Variants in TET3 observed in about 807,000 individuals in gnomAD.
TET3 encodes the protein tet methylcytosine dioxygenase 3, also known as methylcytosine dioxygenase TET3.
A neutral mutation model predicts 141.4 loss-of-function variants in TET3; 19 were observed. The ratio of observed to expected loss-of-function variants is 0.13; its 90% CI spans 0.09 to 0.20. The LOEUF (loss-of-function observed/expected upper bound fraction) is 0.20. Ranked by LOEUF, TET3 falls within the 10% of genes least tolerant of loss-of-function variation. TET3 has a pLI of 1.00. For synonymous variants in TET3, 1,043 were observed against 980.9 expected, an observed-to-expected ratio of 1.06 and a Z score of -1.18; for missense variants, 1,874 against 2,356.9, an observed-to-expected ratio of 0.80 and a Z score of 4.24.
At chr2:74,054,608 G>T (rs997254571) in intron 4 of TET3, among the ~76,000 whole-genome samples, 5 of 152,124 alleles carry the variant, frequency 3.3e-5, no homozygotes, top group East Asian at 1.9e-4. Flanking sequence ...TGACTGTGTA[G>T]ATCAAAAAGA....
Position 73,986,083 on chromosome 2 carries a change from C to A in TET3, c.-321C>A. 1 of 235,374 alleles carries A rather than the reference C, an allele frequency of 4.2e-6. No homozygotes were observed. Among genetic ancestry groups the A allele is most frequent in the Non-Finnish European group, 8.1e-6 (1 of 122,862 alleles). 14.6% of individuals were successfully genotyped at this position (235,374 alleles called of 1,614,324 possible). A position where few individuals can be genotyped will look rare whatever the true frequency, so the allele number is the denominator to read the frequency against. On this transcript the variant is annotated 5_prime_UTR_variant, in exon 2 of 12. It adds an upstream start codon to the 5' untranslated region. Transcript: ENST00000409262. ...ACACCCCTACCTGCTCAACTCATGC[C>A]TGGGTCCAGGGTGGGTGAGGGTGAA...
chr2:74,135,351 A>G, the TET3 span: 1 of 636,648 alleles, frequency 1.6e-6, no homozygotes, highest in Non-Finnish European at 2.7e-6. Flanking sequence ...AGAACTGTCT[A>G]AAGACAAGAC....
intron 3 of TET3, among the ~76,000 whole-genome samples, chr2:74,003,474 G>C (rs1450601146): frequency 1.8e-4 from 23 of 130,714 alleles, no homozygotes; most frequent in Non-Finnish European, 3.0e-4. Flanking sequence ...CCCCACCCCT[G>C]CCTCTGGAAA....
At position 74,057,558 on chromosome 2, in the gene TET3, A is replaced by G. The variant is rs1262860817; in HGVS notation, c.2494+9147A>G. On this transcript the variant is annotated intron_variant, in intron 4 of 11. Coordinates refer to ENST00000409262, the MANE Select transcript of TET3 (RefSeq NM_001287491.2). ...TTCTGCCCACTCTATTTTTGGGCAA[A>G]TAAGTATAGACCAGTGGCTTTCAAT... Among the ~76,000 whole-genome samples, 5 of 152,234 alleles carry G rather than the reference A, an allele frequency of 3.3e-5. No individual in the cohort carries two copies. In the East Asian group the frequency reaches 9.6e-4, roughly 29 times the overall value.
At chr2:74,116,303 TC>T in the TET3 span, among the ~76,000 whole-genome samples, 3 of 152,236 alleles carry the variant, frequency 2.0e-5, 1 homozygote, top group Middle Eastern at 0.01. Flanking sequence ...GTAAGGAGGT[TC>T]CTCAAAAAGT....
intron 5 of TET3, among the ~76,000 whole-genome samples, chr2:74,074,613 T>G (rs1346210942): frequency 1.3e-5 from 2 of 152,254 alleles, no homozygotes; most frequent in Non-Finnish European, 2.9e-5. Flanking sequence ...GTCCTGGCCC[T>G]GCCACTCACT....
At chr2:74,014,420 G>A (rs1291667320) in intron 3 of TET3, among the ~76,000 whole-genome samples, 1 of 152,104 alleles carries the variant, frequency 6.6e-6, no homozygotes, top group Non-Finnish European at 1.5e-5. Flanking sequence ...GGGCCCTGAG[G>A]AGAGTCCCTG....
intron 4 of TET3, among the ~76,000 whole-genome samples, chr2:74,065,616 G>GTCCA (rs1250453851): frequency 7.4e-5 from 10 of 135,792 alleles, no homozygotes; most frequent in African/African-American, 1.4e-4. Context: ...CCGTCCGTCC[G>GTCCA]TCCGTCCTTC....
At position 74,101,296 on chromosome 2, in the gene TET3, A is replaced by G; in HGVS notation, c.4508A>G (p.His1503Arg). The G allele has an allele frequency of 6.2e-7, 1 of 1,612,898 alleles. No individual in the cohort carries two copies. Among genetic ancestry groups the G allele is most frequent in the Non-Finnish European group, 8.5e-7 (1 of 1,179,560 alleles). Residue 1503 changes from histidine (H) to arginine (R), a missense_variant, in exon 12 of 12, where the codon CAC becomes CGC. By Grantham distance (29) the His-to-Arg change is conservative. Around this residue, in one of 10 missense-constraint regions of TET3, gnomAD observed 602 missense variants for 590.2 expected, o/e 1.02. Transcript: ENST00000409262. This position sits in a 1 kb window ranked among gnomAD's most constrained non-coding sequence, Gnocchi z 8.5. ...FPGEGQQAAS[H>R]SGGRLRGKPW... ...GGTGAGGGGCAGCAGGCAGCTTCCC[A>G]CTCTGGAGGACGGCTGCGAGGCAAA...
intron 4 of TET3, among the ~76,000 whole-genome samples, chr2:74,049,539 G>GAT (rs1687827756): frequency 6.6e-6 from 1 of 152,150 alleles, no homozygotes; most frequent in African/African-American, 2.4e-5. Flanking sequence ...TTCTGTAAAA[G>GAT]ATATGTGTGT....
rs769038867 is a variant in TET3 at position 74,046,659 on chromosome 2, G to A, written c.742G>A (p.Ala248Thr). Residue 248 changes from alanine (A) to threonine (T), a missense_variant, in exon 4 of 12, where the codon GCT (alanine) becomes ACT (threonine). Physicochemically the swap from Ala to Thr is moderately conservative, Grantham distance 58. Around this residue, in one of 10 missense-constraint regions of TET3, gnomAD observed 366 missense variants for 487.0 expected, o/e 0.75. Transcript: ENST00000409262. This position sits in a 1 kb window ranked among gnomAD's most constrained non-coding sequence, Gnocchi z 4.3. ...GPRPGPEGCS[A>T]GSEDLDTLQT... ...CCGGCCAGGGCCTGAGGGCTGCTCTGCTGGCAGCGAAGACCTTGACACACT... is the reference window on the plus strand; with the variant it reads ...CCGGCCAGGGCCTGAGGGCTGCTCTACTGGCAGCGAAGACCTTGACACACT... The A allele has an allele frequency of 3.8e-5, 61 of 1,613,936 alleles. No individual in the cohort carries two copies. The highest frequency in any genetic ancestry group is 4.9e-5 in the Non-Finnish European group (58 of 1,179,898).
chr2:74,104,871 T>G lies in TET3; in HGVS notation c.*2695T>G, dbSNP rs184218966. Reference sequence around the variant, plus strand: ...AGGTGAGTCAAGAGGCAGTCTCCATTGGATGTCCCCACTCCCCGCAGAATG... The same window carrying G: ...AGGTGAGTCAAGAGGCAGTCTCCATGGGATGTCCCCACTCCCCGCAGAATG... On this transcript the variant is annotated 3_prime_UTR_variant, in exon 12 of 12. Transcript: ENST00000409262. 1.7e-3 allele frequency: 476 copies of G among 286,700 alleles called. 1 individual carries two copies. Among genetic ancestry groups the G allele is most frequent in the Admixed American group, 4.0e-3 (76 of 19,200 alleles). 17.8% of individuals were successfully genotyped at this position (286,700 alleles called of 1,614,324 possible). A position where few individuals can be genotyped will look rare whatever the true frequency, so the allele number is the denominator to read the frequency against.
intron 3 of TET3, among the ~76,000 whole-genome samples, chr2:74,009,297 G>A (rs1685306867): frequency 6.6e-6 from 1 of 151,540 alleles, no homozygotes; most frequent in Non-Finnish European, 1.5e-5. Flanking sequence ...GCAGAGAGAG[G>A]CCCTGGAAAG....
chr2:74,011,665 C>T (rs1021771771), intron 3 of TET3, among the ~76,000 whole-genome samples: 2 of 152,074 alleles, frequency 1.3e-5, no homozygotes, highest in African/African-American at 2.4e-5. Flanking sequence ...TCGGTGAATC[C>T]AAAAATCCAT....
intron 3 of TET3, among the ~76,000 whole-genome samples, chr2:74,035,065 G>T (rs1686964455): frequency 6.6e-6 from 1 of 151,214 alleles, no homozygotes; most frequent in South Asian, 2.1e-4. Context: ...AGCCAGGTAT[G>T]GTGGCGGGCG....
chr2:74,097,647 G>A (rs1403351850), intron 10 of TET3, among the ~76,000 whole-genome samples: 2 of 152,176 alleles, frequency 1.3e-5, no homozygotes, highest in East Asian at 1.9e-4. Context: ...GTTTTGCAGG[G>A]AAGAATGGGT....
downstream of TET3, among the ~76,000 whole-genome samples, chr2:74,109,400 A>G (rs991937353): frequency 7.2e-5 from 11 of 152,232 alleles, no homozygotes; most frequent in Non-Finnish European, 1.6e-4. Context: ...ACAATAATAC[A>G]ATCTTGTAAT....
intron 5 of TET3, among the ~76,000 whole-genome samples, chr2:74,076,442 T>TTG (rs1689511380): frequency 9.5e-5 from 1 of 10,488 alleles, no homozygotes; most frequent in African/African-American, 5.1e-4. Flanking sequence ...TTCCTCTGGG[T>TTG]TTTTTTTTTT....
intron 4 of TET3, among the ~76,000 whole-genome samples, chr2:74,051,666 G>A (rs1053237672): frequency 4.6e-5 from 7 of 152,290 alleles, no homozygotes; most frequent in Admixed American, 4.6e-4. Flanking sequence ...TAGGCACCCT[G>A]CCAAGTACTT....
Sources: allele counts gnomAD v4.1 joint callset (sites outside exome capture counted in the v4.1 genomes callset), GRCh38; gene constraint gnomAD v4.1.1; regional missense constraint gnomAD v4.1.1; non-coding constraint Gnocchi (gnomAD v3.1); transcripts MANE v1.5; gene names NCBI Gene and HGNC (gene_info 2026-07-23, HGNC 2026-07-21).